Variants in MECOM observed in about 807,000 individuals in gnomAD.
The protein encoded by MECOM is MDS1 and EVI1 complex locus.
Under a neutral mutation model 116.3 loss-of-function variants are expected in MECOM, and 13 were observed. That is an observed-to-expected ratio of 0.11 (90% CI 0.07 to 0.18). The LOEUF is 0.18. Ranked by LOEUF, MECOM falls within the 10% of genes least tolerant of loss-of-function variation. The pLI is 1.00. For synonymous variants in MECOM, 528 were observed against 535.2 expected, an observed-to-expected ratio of 0.99 and a Z score of 0.19; for missense variants, 1,299 against 1,509.0, an observed-to-expected ratio of 0.86 and a Z score of 2.31.
rs571325998 is a variant in MECOM, at chr3:169,237,889, T to C, written c.376-94057A>G. ...CTTACTCTTTACTATTAAGAAATTA[T>C]TTTTGGTGCAGGCAGGTTGGCTCAC... On this transcript the variant is annotated intron_variant, in intron 2 of 16. Coordinates refer to ENST00000651503, the MANE Select transcript of MECOM (RefSeq NM_004991.4). 2.6e-5 allele frequency among the ~76,000 whole-genome samples: 4 copies of C among 152,214 alleles called. No homozygotes were observed. In the East Asian group the frequency reaches 7.7e-4, roughly 29 times the overall value.
intron 1 of MECOM, among the ~76,000 whole-genome samples, chr3:169,400,839 C>T (rs146303210): frequency 4.7e-4 from 71 of 152,284 alleles, no homozygotes; most frequent in Admixed American, 4.1e-3. Flanking sequence ...TATCCAGAAA[C>T]AGGGGACACA....
chr3:169,394,414 T>A (rs1325390623), intron 1 of MECOM, among the ~76,000 whole-genome samples: 1 of 152,188 alleles, frequency 6.6e-6, no homozygotes, highest in Non-Finnish European at 1.5e-5. Flanking sequence ...TGATCAACTC[T>A]AAAAGTGATA....
rs1023463599 is a variant in MECOM, at chr3:169,131,535, T to C, written c.511-4A>G. 1.2e-6 allele frequency: 2 copies of C among 1,606,760 alleles called. No homozygotes were observed. Among genetic ancestry groups the C allele is most frequent in the East Asian group, 2.2e-5 (1 of 44,650 alleles). On this transcript the variant is annotated splice_polypyrimidine_tract_variant and splice_region_variant and intron_variant, in intron 3 of 16. Transcript: ENST00000651503. ...CTGCAACTACTCTATAGAATATCTT[T>C]AAAGACAAAATAAAGGTGGATGGAA...
intron 1 of MECOM, among the ~76,000 whole-genome samples, chr3:169,625,412 AG>A (rs1389061564): frequency 6.6e-6 from 1 of 152,140 alleles, no homozygotes; most frequent in Non-Finnish European, 1.5e-5. Flanking sequence ...TCTTTTTGCC[AG>A]GCTCTTAAGC....
At chr3:169,324,966 T>TAA (rs1721597119) in intron 2 of MECOM, among the ~76,000 whole-genome samples, 1 of 152,054 alleles carries the variant, frequency 6.6e-6, no homozygotes, top group African/African-American at 2.4e-5. Context: ...AAACTGTGGG[T>TAA]CCTACAGTAA....
intron 2 of MECOM, among the ~76,000 whole-genome samples, chr3:169,235,869 T>TAAAA (rs796203861): frequency 7.2e-6 from 1 of 138,444 alleles, no homozygotes; most frequent in Non-Finnish European, 1.6e-5. Context: ...CCATTTTGCT[T>TAAAA]AAAAAAAAAA....
chr3:169,632,479 A>G (rs1213910116), intron 1 of MECOM, among the ~76,000 whole-genome samples: 1 of 152,214 alleles, frequency 6.6e-6, no homozygotes, highest in East Asian at 1.9e-4. Flanking sequence ...ATCACAGAGC[A>G]TCATCTTGAA....
chr3:169,471,333 C>T (rs1322653365), intron 1 of MECOM, among the ~76,000 whole-genome samples: 1 of 149,856 alleles, frequency 6.7e-6, no homozygotes, highest in Non-Finnish European at 1.5e-5. Flanking sequence ...TTTATTTTTG[C>T]TTCTGCTTTT....
chr3:169,397,731 G>A (rs1735236192), intron 1 of MECOM, among the ~76,000 whole-genome samples: 1 of 152,156 alleles, frequency 6.6e-6, no homozygotes, highest in African/African-American at 2.4e-5. Context: ...TTCAGAGATA[G>A]GCAAACCCCA....
At chr3:169,216,227 A>T (rs1014227017) in intron 2 of MECOM, among the ~76,000 whole-genome samples, 1 of 152,138 alleles carries the variant, frequency 6.6e-6, no homozygotes, top group African/African-American at 2.4e-5. Flanking sequence ...TGATGGTATG[A>T]TGGTGAAAAT....
At chr3:169,416,943 T>G (rs1738730324) in intron 1 of MECOM, among the ~76,000 whole-genome samples, 1 of 152,280 alleles carries the variant, frequency 6.6e-6, no homozygotes, top group South Asian at 2.1e-4. Context: ...TTACACCTTA[T>G]ACAAAAATTA....
chr3:169,318,216 G>A (rs1720117042), intron 2 of MECOM, among the ~76,000 whole-genome samples: 1 of 152,130 alleles, frequency 6.6e-6, no homozygotes, highest in African/African-American at 2.4e-5. Flanking sequence ...GATGGGCAAA[G>A]ACTTCATGAC....
intron 1 of MECOM, among the ~76,000 whole-genome samples, chr3:169,517,241 C>T (rs570260648): frequency 2.0e-5 from 3 of 152,254 alleles, no homozygotes; most frequent in Admixed American, 2.0e-4. Flanking sequence ...TCCAGATGAG[C>T]TTTTTGGCAT....
At chr3:169,191,445 G>A (rs1669437711) in intron 2 of MECOM, among the ~76,000 whole-genome samples, 1 of 151,862 alleles carries the variant, frequency 6.6e-6, no homozygotes, top group East Asian at 1.9e-4. Context: ...AAAGGAAAAG[G>A]GAGAATAGAT....
At chr3:169,391,903 C>A (rs1734255845) in intron 1 of MECOM, among the ~76,000 whole-genome samples, 1 of 152,112 alleles carries the variant, frequency 6.6e-6, no homozygotes, top group Non-Finnish European at 1.5e-5. Context: ...GGGCACCAGG[C>A]ACTGCCTTCT....
intron 2 of MECOM, among the ~76,000 whole-genome samples, chr3:169,372,130 T>A (rs1730241053): frequency 6.6e-6 from 1 of 152,028 alleles, no homozygotes; most frequent in African/African-American, 2.4e-5. Context: ...AGATATTCAC[T>A]CTCTACTCAT....
At chr3:169,482,328 C>CTTTTTGTTTTTTTCT (rs1751420841) in intron 1 of MECOM, among the ~76,000 whole-genome samples, 2 of 108,372 alleles carry the variant, frequency 1.8e-5, no homozygotes, top group African/African-American at 7.2e-5. Context: ...AACCCACGTT[C>CTTTTTGTTTTTTTCT]TTTTTTTTTT....
At chr3:169,653,589 G>T (rs1026020428) in intron 1 of MECOM, among the ~76,000 whole-genome samples, 16 of 151,616 alleles carry the variant, frequency 1.1e-4, no homozygotes, top group Non-Finnish European at 1.5e-4. Context: ...GCCAAAATTT[G>T]GATGGTAGAA....
At chr3:169,650,471 A>G (rs1385879210) in intron 1 of MECOM, among the ~76,000 whole-genome samples, 2 of 152,136 alleles carry the variant, frequency 1.3e-5, no homozygotes, top group Non-Finnish European at 2.9e-5. Context: ...TTTGGGCTAC[A>G]TGGATTGATT....
Sources: gnomAD v4.1 joint callset for allele counts (sites outside exome capture counted in the v4.1 genomes callset) on GRCh38, gnomAD v4.1.1 for gene constraint, MANE v1.5 for transcripts, NCBI Gene and HGNC (gene_info 2026-07-23, HGNC 2026-07-21) for gene names.